ROBO2: variants seen among roughly 807,000 people sequenced by gnomAD.
ROBO2 encodes roundabout homolog 2.
ROBO2 carries 53 observed loss-of-function variants against 160.8 expected under a neutral mutation model. That is an observed-to-expected ratio of 0.33 (90% confidence interval 0.26 to 0.41). ROBO2 has a LOEUF of 0.41. ROBO2 is among the 10% of genes least tolerant of loss of function. The probability of loss-of-function intolerance (pLI) is 1.00; values close to 1 mark genes in which losing one functional copy is unlikely to be tolerated. For missense variants in ROBO2, 1,577 were observed against 1,722.4 expected (o/e 0.92, Z 1.49); for synonymous variants, 664 against 611.7 (o/e 1.09, Z -1.26).
intron 2 of ROBO2, among the ~76,000 whole-genome samples, chr3:75,977,475 A>T (rs1015071427): frequency 4.0e-5 from 6 of 151,566 alleles, no homozygotes; most frequent in African/African-American, 1.5e-4. Flanking sequence ...TTGAATCCAT[A>T]AAGTTGGAAA....
intron 2 of ROBO2, among the ~76,000 whole-genome samples, chr3:76,639,324 GTATA>G (rs58143622): frequency 6.6e-6 from 1 of 151,464 alleles, no homozygotes; most frequent in Non-Finnish European, 1.5e-5. Context: ...ATATGGACAT[GTATA>G]TATGTGTGTG....
At chr3:77,205,287 C>T (rs1560230134) in intron 2 of ROBO2, among the ~76,000 whole-genome samples, 1 of 151,986 alleles carries the variant, frequency 6.6e-6, no homozygotes, top group Non-Finnish European at 1.5e-5. Flanking sequence ...GGGAGCTGGG[C>T]GGGGGCAATG....
intron 2 of ROBO2, among the ~76,000 whole-genome samples, chr3:76,534,683 C>T (rs751876807): frequency 3.3e-5 from 5 of 152,036 alleles, no homozygotes; most frequent in African/African-American, 7.3e-5. Context: ...GAACTGGCCC[C>T]GTATATGTGT....
intron 2 of ROBO2, among the ~76,000 whole-genome samples, chr3:77,189,663 C>T (rs1000587668): frequency 1.9e-4 from 29 of 151,832 alleles, no homozygotes; most frequent in Non-Finnish European, 2.8e-4. Context: ...AACATGTAAG[C>T]GGGTATATGA....
chr3:76,891,880 G>A (rs1023557070), intron 2 of ROBO2, among the ~76,000 whole-genome samples: 1 of 152,134 alleles, frequency 6.6e-6, no homozygotes, highest in African/African-American at 2.4e-5. Flanking sequence ...TAACTACCTT[G>A]GAGAATTTTG....
At chr3:76,403,401 A>G (rs1489656242) in intron 2 of ROBO2, among the ~76,000 whole-genome samples, 3 of 151,652 alleles carry the variant, frequency 2.0e-5, no homozygotes, top group African/African-American at 2.4e-5. Flanking sequence ...TTTAAAAACC[A>G]TTTACCAAGA....
chr3:76,458,791 C>T (rs980915241), intron 2 of ROBO2, among the ~76,000 whole-genome samples: 2 of 152,052 alleles, frequency 1.3e-5, no homozygotes, highest in Admixed American at 6.6e-5. Flanking sequence ...GAAGCAAAAG[C>T]GGAAACCCCT....
At chr3:77,495,860 A>G (rs145484629) in intron 5 of ROBO2, among the ~76,000 whole-genome samples, 46 of 152,296 alleles carry the variant, frequency 3.0e-4, no homozygotes, top group Admixed American at 1.6e-3. Context: ...TAACATGTCT[A>G]TGTTCCTGAA....
chr3:76,612,080 A>C (rs1461942937), intron 2 of ROBO2, among the ~76,000 whole-genome samples: 1 of 152,124 alleles, frequency 6.6e-6, no homozygotes, highest in Non-Finnish European at 1.5e-5. Flanking sequence ...TTCTCTAGTC[A>C]CTAATTTCTA....
At chr3:76,745,979 C>T (rs990627078) in intron 2 of ROBO2, among the ~76,000 whole-genome samples, 4 of 118,266 alleles carry the variant, frequency 3.4e-5, no homozygotes, top group Non-Finnish European at 6.6e-5. Context: ...GCTATCCCTC[C>T]CTCCTTCCCC....
At chr3:76,647,340 T>C (rs1043771223) in intron 2 of ROBO2, among the ~76,000 whole-genome samples, 14 of 152,166 alleles carry the variant, frequency 9.2e-5, no homozygotes, top group Admixed American at 2.6e-4. Flanking sequence ...CTTCCTCCTC[T>C]AGCCTTTCAG....
At position 76,565,432 on chromosome 3, in the gene ROBO2, A is replaced by G. The variant is rs373750871; in HGVS notation, c.110-532582A>G. On this transcript the variant is annotated intron_variant, in intron 2 of 26. Coordinates refer to the ROBO2 transcript ENST00000487694. ...CATAAACATTTATCCACAGGATAGT[A>G]ACTCTAAAATTCCACAGTTCTTGGA... 2.8e-4 allele frequency among the ~76,000 whole-genome samples: 42 copies of G among 152,324 alleles called. 2 individuals carry two copies. Among genetic ancestry groups the G allele is most frequent in the South Asian group, 2.7e-3 (13 of 4,834 alleles).
intron 2 of ROBO2, among the ~76,000 whole-genome samples, chr3:76,762,414 T>G (rs2108391002): frequency 6.6e-6 from 1 of 150,974 alleles, no homozygotes; most frequent in Non-Finnish European, 1.5e-5. Context: ...CTTTAATTGC[T>G]TTTGTTCTTC....
At chr3:76,913,771 T>C in intron 2 of ROBO2, among the ~76,000 whole-genome samples, 1 of 152,322 alleles carries the variant, frequency 6.6e-6, no homozygotes. Flanking sequence ...TGAATAATAC[T>C]CCTTTAGATG....
intron 2 of ROBO2, among the ~76,000 whole-genome samples, chr3:75,988,177 C>T (rs975692826): frequency 1.3e-5 from 2 of 151,924 alleles, no homozygotes; most frequent in Non-Finnish European, 2.9e-5. Context: ...TTCTTTGTTG[C>T]TAGATTTTTT....
intron 2 of ROBO2, among the ~76,000 whole-genome samples, chr3:77,107,248 TCAA>T (rs2072928576): frequency 6.6e-6 from 1 of 152,150 alleles, no homozygotes; most frequent in Non-Finnish European, 1.5e-5. Flanking sequence ...GGATAAGATT[TCAA>T]CATGTGAATT....
At chr3:76,045,414 G>A (rs2067416153) in intron 2 of ROBO2, among the ~76,000 whole-genome samples, 1 of 152,018 alleles carries the variant, frequency 6.6e-6, no homozygotes. Context: ...CAGATTGAGA[G>A]CAAAAATGAG....
intron 2 of ROBO2, among the ~76,000 whole-genome samples, chr3:77,014,770 A>T (rs1237457655): frequency 6.7e-6 from 1 of 150,232 alleles, no homozygotes; most frequent in Non-Finnish European, 1.5e-5. Context: ...GGTGATGGCC[A>T]TTTGCAAGAG....
chr3:76,431,034 T>C (rs1258666312), intron 2 of ROBO2, among the ~76,000 whole-genome samples: 2 of 152,070 alleles, frequency 1.3e-5, no homozygotes, highest in African/African-American at 2.4e-5. Flanking sequence ...ACAACTATGT[T>C]ATAAGGGGGT....
Sources: gnomAD v4.1 joint callset for allele counts (sites outside exome capture counted in the v4.1 genomes callset) on GRCh38, gnomAD v4.1.1 for gene constraint, MANE v1.5 for transcripts, NCBI Gene and HGNC (gene_info 2026-07-23, HGNC 2026-07-21) for gene names.